Variants in SYBU observed in about 807,000 individuals in gnomAD.
SYBU encodes the protein syntabulin, also known as GOLSYN A protein.
In SYBU, 21 loss-of-function variants were observed where a neutral mutation model predicts 35.9. The observed-to-expected ratio is 0.58, with a 90% CI of 0.41 to 0.84. The LOEUF (loss-of-function observed/expected upper bound fraction) is 0.84, where lower values mean the gene tolerates loss of function less well. Among genes scored for constraint, SYBU ranks in the 40% least tolerant of loss-of-function variants. SYBU has a pLI of 0.00. For synonymous variants in SYBU, 319 were observed against 324.3 expected (o/e 0.98, Z 0.18); for missense variants, 768 against 848.2 (o/e 0.91, Z 1.17).
chr8:109,658,692 G>T (rs1400834274), intron 1 of SYBU, among the ~76,000 whole-genome samples: 1 of 152,142 alleles, frequency 6.6e-6, no homozygotes, highest in East Asian at 1.9e-4. Flanking sequence ...GGTGGCTCAT[G>T]CCTGTAATCC....
chr8:109,653,400 G>GC (rs1261832525), intron 1 of SYBU, among the ~76,000 whole-genome samples: 2 of 151,838 alleles, frequency 1.3e-5, no homozygotes, highest in African/African-American at 4.8e-5. Context: ...CCTGCCCTTT[G>GC]CCTGCCTATT....
intron 3 of SYBU, among the ~76,000 whole-genome samples, chr8:109,603,137 C>A (rs540134146): frequency 1.3e-5 from 2 of 152,368 alleles, no homozygotes; most frequent in South Asian, 4.1e-4. Flanking sequence ...CTTCTGTCTT[C>A]CTTCTCGAGC....
intron 1 of SYBU, among the ~76,000 whole-genome samples, chr8:109,672,059 GCC>G (rs1817001396): frequency 1.3e-5 from 2 of 152,040 alleles, no homozygotes; most frequent in African/African-American, 4.8e-5. Context: ...GTGCCACCAT[GCC>G]CAGCTAATTT....
At position 109,679,237 on chromosome 8, in the gene SYBU, C is replaced by T. The variant is rs369581583; in HGVS notation, c.-129+1474G>A. On this transcript the variant is annotated intron_variant, in intron 1 of 5. Transcript: ENST00000408889. ...AAAAAGAGGGAGGAACCCTAAATTC[C>T]GGGAATTGCCCATCCCTTTCCCAGA... Among the ~76,000 whole-genome samples the T allele has an allele frequency of 1.8e-4, 27 of 152,226 alleles. No individual in the cohort carries two copies. The East Asian group carries it at 3.1e-3, about 17-fold the overall frequency.
intron 1 of SYBU, among the ~76,000 whole-genome samples, chr8:109,688,951 T>C (rs1286325333): frequency 6.6e-6 from 1 of 152,196 alleles, no homozygotes; most frequent in Non-Finnish European, 1.5e-5. Context: ...TAGTTACATC[T>C]TAACGGTGTG....
intron 4 of SYBU, 168 bp from the exon 5 acceptor site, chr8:109,580,170 A>G: frequency 4.9e-6 from 3 of 611,650 alleles, no homozygotes; most frequent in Non-Finnish European, 8.6e-6. Flanking sequence ...CCTGCCTGGT[A>G]TTTTCTCTCC....
At chr8:109,644,302 T>G in intron 1 of SYBU, 1 of 537,700 alleles carries the variant, frequency 1.9e-6, no homozygotes, top group Non-Finnish European at 3.6e-6. Context: ...GGAGTCCTCT[T>G]TTCCCAGTCG....
intron 3 of SYBU, among the ~76,000 whole-genome samples, chr8:109,616,142 G>C (rs1032410699): frequency 3.3e-5 from 5 of 150,470 alleles, no homozygotes; most frequent in Non-Finnish European, 4.4e-5. Context: ...CTCCTGAGTA[G>C]CTGGGATTAC....
Position 109,627,000 on chromosome 8 carries a change from T to C in SYBU, c.230-7961A>G, listed in dbSNP as rs187706167. ...GCTGGCTCCTTTTTGAATTTAGATCTCAGAGCCCACTGGCTTTCAAAAATG... is the reference window on the plus strand; with the variant it reads ...GCTGGCTCCTTTTTGAATTTAGATCCCAGAGCCCACTGGCTTTCAAAAATG... On this transcript the variant is annotated intron_variant, in intron 2 of 6. Coordinates refer to ENST00000276646, the MANE Select transcript of SYBU (RefSeq NM_001099754.2). Among the ~76,000 whole-genome samples, 21 of 152,330 alleles carry C rather than the reference T, an allele frequency of 1.4e-4. No homozygotes were observed. The East Asian group carries it at 4.1e-3, about 29-fold the overall frequency.
At chr8:109,677,904 G>A (rs538633695) in intron 1 of SYBU, among the ~76,000 whole-genome samples, 21 of 152,116 alleles carry the variant, frequency 1.4e-4, no homozygotes, top group African/African-American at 4.8e-4. Flanking sequence ...GCAGGGCGAG[G>A]TGGGTGGATC....
At chr8:109,621,394 G>A (rs1027627612) in intron 2 of SYBU, among the ~76,000 whole-genome samples, 6 of 152,176 alleles carry the variant, frequency 3.9e-5, no homozygotes, top group African/African-American at 1.2e-4. Context: ...CCTGTCATCA[G>A]TATTTACAGC....
At chr8:109,660,247 T>C (rs1052034431) in intron 1 of SYBU, among the ~76,000 whole-genome samples, 1 of 152,186 alleles carries the variant, frequency 6.6e-6, no homozygotes, top group African/African-American at 2.4e-5. Flanking sequence ...TTTAAATTGT[T>C]TACATTTACA....
At chr8:109,635,750 C>T (rs1167296182) in intron 2 of SYBU, among the ~76,000 whole-genome samples, 1 of 152,106 alleles carries the variant, frequency 6.6e-6, no homozygotes, top group African/African-American at 2.4e-5. Flanking sequence ...CAGCAGTGTC[C>T]TTCAAAGCAG....
At chr8:109,656,031 G>T (rs184308742) in intron 1 of SYBU, among the ~76,000 whole-genome samples, 5 of 152,128 alleles carry the variant, frequency 3.3e-5, no homozygotes, top group Admixed American at 6.6e-5. Context: ...CAGGAGAATC[G>T]CTTGAACCCA....
intron 2 of SYBU, among the ~76,000 whole-genome samples, chr8:109,627,308 C>T (rs60086220): frequency 0.011 from 1,620 of 152,180 alleles, 26 homozygotes; most frequent in African/African-American, 0.035. Flanking sequence ...ACTAATATAG[C>T]TCTTATTATG....
chr8:109,683,149 G>A (rs1817439639), upstream of SYBU, among the ~76,000 whole-genome samples: 3 of 152,204 alleles, frequency 2.0e-5, no homozygotes, highest in Admixed American at 1.3e-4. Context: ...TAGTAGAGCT[G>A]TGAGAAGAGG....
chr8:109,576,026 G>C lies in SYBU; in HGVS notation c.885-13C>G. On this transcript the variant is annotated splice_polypyrimidine_tract_variant and intron_variant, in intron 6 of 6. Transcript: ENST00000276646. The stretch of plus-strand genomic sequence containing the variant: ...GATTTCACTTTCCCTAGAGTGCCAA[G>C]ACAAGCATGGTTAATTAAAAAAAAA... 3.1e-5 allele frequency: 14 copies of C among 457,126 alleles called. No homozygotes were observed. The highest frequency in any genetic ancestry group is 5.9e-5 in the East Asian group (1 of 16,964). The allele number at this position is 457,126 out of a possible 1,614,324, so 28.3% of individuals were successfully genotyped here.
chr8:109,664,530 C>CT (rs959357652), intron 1 of SYBU, among the ~76,000 whole-genome samples: 16 of 152,100 alleles, frequency 1.1e-4, no homozygotes, highest in African/African-American at 3.1e-4. Context: ...CACAAAGCTA[C>CT]TTTTTTTTCT....
At position 109,575,647 on chromosome 8, in the gene SYBU, T is replaced by G. The variant is rs1467941086; in HGVS notation, c.1251A>C (p.Glu417Asp). The change falls in exon 7 of 7, where the codon GAA becomes GAC. Residue 417 changes from glutamate to aspartate, a missense_variant. By Grantham distance (45) the Glu-to-Asp change is conservative. Coordinates refer to ENST00000276646, the MANE Select transcript of SYBU (RefSeq NM_001099754.2). Reference sequence around the variant, plus strand: ...CAGCCCCTTCCCCCGTGACCTGCTCTTCCAGAGATAACCCATCTGCCATTG... The same window carrying G: ...CAGCCCCTTCCCCCGTGACCTGCTCGTCCAGAGATAACCCATCTGCCATTG... ...LDTMADGLSL[E>D]EQVTGEGADR... 4 of 1,614,118 alleles carry G rather than the reference T, an allele frequency of 2.5e-6. No homozygotes were observed. Among genetic ancestry groups the G allele is most frequent in the Admixed American group, 1.7e-5 (1 of 60,024 alleles).
Sources: allele counts gnomAD v4.1 joint callset (sites outside exome capture counted in the v4.1 genomes callset), GRCh38; gene constraint gnomAD v4.1.1; transcripts MANE v1.5; gene names NCBI Gene and HGNC (gene_info 2026-07-23, HGNC 2026-07-21).